ERBB4: variants seen among roughly 807,000 people sequenced by gnomAD.
The protein encoded by ERBB4 is erb-b2 receptor tyrosine kinase 4, also known as receptor tyrosine-protein kinase erbB-4.
A neutral mutation model predicts 158.0 loss-of-function variants in ERBB4; 42 were observed. The ratio of observed to expected loss-of-function variants is 0.27; its 90% CI spans 0.21 to 0.34. ERBB4 has a LOEUF of 0.34. Ranked by LOEUF, ERBB4 falls within the 10% of genes least tolerant of loss-of-function variation. ERBB4 has a pLI of 1.00. For missense variants in ERBB4, 1,333 were observed against 1,624.1 expected (o/e 0.82, Z 3.08); for synonymous variants, 583 against 558.7 (o/e 1.04, Z -0.61).
chr2:212,103,819 TG>T (rs1172979057), intron 2 of ERBB4, among the ~76,000 whole-genome samples: 1 of 152,110 alleles, frequency 6.6e-6, no homozygotes. Flanking sequence ...AGAAACATTC[TG>T]AATGTTAAGA....
intron 2 of ERBB4, among the ~76,000 whole-genome samples, chr2:212,087,703 C>G (rs555696894): frequency 6.6e-6 from 1 of 151,986 alleles, no homozygotes; most frequent in Admixed American, 6.6e-5. Context: ...GCATTAACTT[C>G]CCTCATCTAT....
intron 1 of ERBB4, among the ~76,000 whole-genome samples, chr2:212,485,281 C>G (rs1445977052): frequency 6.6e-6 from 1 of 152,136 alleles, no homozygotes; most frequent in East Asian, 1.9e-4. Flanking sequence ...ATTTCCAGTT[C>G]TTTACAAAGG....
intron 25 of ERBB4, among the ~76,000 whole-genome samples, chr2:211,404,195 T>TTATC (rs2063102225): frequency 1.3e-5 from 2 of 152,202 alleles, no homozygotes; most frequent in African/African-American, 4.8e-5. Flanking sequence ...AACTCTTGAT[T>TTATC]TATCTCTTTT....
At chr2:212,363,861 C>T (rs1045008257) in intron 1 of ERBB4, among the ~76,000 whole-genome samples, 27 of 151,504 alleles carry the variant, frequency 1.8e-4, no homozygotes, top group Non-Finnish European at 3.7e-4. Context: ...TATTATTGTC[C>T]ATGAATTCCA....
At chr2:212,229,511 G>T (rs945063047) in intron 1 of ERBB4, among the ~76,000 whole-genome samples, 5 of 152,158 alleles carry the variant, frequency 3.3e-5, no homozygotes, top group African/African-American at 7.2e-5. Flanking sequence ...GTACTAAAGG[G>T]CCAGTAAATC....
At chr2:211,877,515 G>A (rs1050236657) in intron 3 of ERBB4, among the ~76,000 whole-genome samples, 174 of 151,058 alleles carry the variant, frequency 1.2e-3, no homozygotes, top group African/African-American at 4.0e-3. Context: ...GCATACTTTC[G>A]GGGTTTTTCT....
At chr2:211,722,903 C>G (rs968407044) in intron 6 of ERBB4, among the ~76,000 whole-genome samples, 27 of 152,170 alleles carry the variant, frequency 1.8e-4, no homozygotes, top group Admixed American at 1.6e-3. Flanking sequence ...GGCTAGATGT[C>G]CACTTGAGCT....
intron 2 of ERBB4, among the ~76,000 whole-genome samples, chr2:211,973,884 T>A (rs943812290): frequency 1.3e-5 from 2 of 152,202 alleles, no homozygotes; most frequent in South Asian, 2.1e-4. Context: ...ATGTACACCA[T>A]GGAAACTATA....
At chr2:211,645,587 T>C (rs1259362946) in intron 16 of ERBB4, among the ~76,000 whole-genome samples, 1 of 151,680 alleles carries the variant, frequency 6.6e-6, no homozygotes, top group Non-Finnish European at 1.5e-5. Flanking sequence ...CTGTATAACA[T>C]GATTAATGGC....
intron 2 of ERBB4, among the ~76,000 whole-genome samples, chr2:212,116,604 C>T (rs917387069): frequency 6.6e-6 from 1 of 152,118 alleles, no homozygotes; most frequent in African/African-American, 2.4e-5. Flanking sequence ...TGTGCCGCCA[C>T]ACTGGTTAAA....
rs869111881 is a variant in ERBB4, at chr2:212,399,545, C to CATATATAT, written c.82+138896_82+138903dup. On this transcript the variant is annotated intron_variant, in intron 1 of 27. Transcript: ENST00000342788. ...TCCCCTGATATATATTTTATATATA[C>CATATATAT]ATATATATATATATATATATATATA... Among the ~76,000 whole-genome samples the CATATATAT allele has an allele frequency of 7.8e-3, 297 of 37,878 alleles. 2 individuals are homozygous for CATATATAT. Among genetic ancestry groups the CATATATAT allele is most frequent in the East Asian group, 0.014 (21 of 1,534 alleles). The allele number at this position is 37,878 out of a possible 152,430, so 24.8% of individuals were successfully genotyped here.
At chr2:211,894,267 T>C (rs1241096157) in intron 3 of ERBB4, among the ~76,000 whole-genome samples, 2 of 146,360 alleles carry the variant, frequency 1.4e-5, no homozygotes, top group African/African-American at 2.6e-5. Flanking sequence ...TGTAGGGACA[T>C]GGATGAAATT....
intron 1 of ERBB4, among the ~76,000 whole-genome samples, chr2:212,155,786 C>T (rs1355541935): frequency 6.6e-6 from 1 of 151,978 alleles, no homozygotes; most frequent in Admixed American, 6.6e-5. Flanking sequence ...CAGATATTTT[C>T]CTATATTACA....
chr2:211,960,627 G>A lies in ERBB4; in HGVS notation c.235-13011C>T, dbSNP rs1469030044. 2.6e-5 allele frequency: 4 copies of A among 152,232 alleles called. No homozygotes were observed. In the East Asian group the frequency reaches 7.7e-4, roughly 29 times the overall value. 9.4% of individuals were successfully genotyped at this position (152,232 alleles called of 1,614,324 possible). A position where few individuals can be genotyped will look rare whatever the true frequency, so the allele number is the denominator to read the frequency against. ...TGTTACTCACAATTTTGGAGGCTGG[G>A]AAGTCCAATATCAAGGTGTCAGCAA... On this transcript the variant is annotated intron_variant, in intron 2 of 27. Transcript: ENST00000342788.
chr2:212,334,701 CATGA>C (rs1401212297), intron 1 of ERBB4, among the ~76,000 whole-genome samples: 3 of 152,044 alleles, frequency 2.0e-5, no homozygotes, highest in East Asian at 3.9e-4. Context: ...AATAATGTTA[CATGA>C]ATGAATGAAC....
rs146304918 is a variant in ERBB4 at position 212,075,067 on chromosome 2, A to ATCTAT, written c.234+49680_234+49684dup. 5.4e-3 allele frequency among the ~76,000 whole-genome samples: 817 copies of ATCTAT among 152,058 alleles called. 6 individuals carry two copies. The highest frequency in any genetic ancestry group is 7.5e-3 in the Non-Finnish European group (512 of 67,910). On this transcript the variant is annotated intron_variant, in intron 2 of 27. Coordinates refer to ENST00000342788, the MANE Select transcript of ERBB4 (RefSeq NM_005235.3). ...TATAGGGCTCTTTTCATGATAACAC[A>ATCTAT]TCTATTCTCTTCTCAGCCATGATGA...
At chr2:211,950,002 T>C (rs2125145417) in intron 2 of ERBB4, among the ~76,000 whole-genome samples, 1 of 152,018 alleles carries the variant, frequency 6.6e-6, no homozygotes, top group East Asian at 1.9e-4. Flanking sequence ...ACCAGGAGAG[T>C]GGCAGTAAGA....
chr2:211,432,178 T>C (rs111936316), intron 20 of ERBB4, among the ~76,000 whole-genome samples: 2,459 of 152,348 alleles, frequency 0.016, 28 homozygotes, highest in Middle Eastern at 0.044. Context: ...CATACTCTCA[T>C]GCCAATTGCA....
chr2:211,644,550 C>T (rs927170487), intron 16 of ERBB4, among the ~76,000 whole-genome samples: 2 of 152,012 alleles, frequency 1.3e-5, no homozygotes, highest in African/African-American at 4.8e-5. Context: ...CATTTACATG[C>T]AAAATAAATC....
Sources: allele counts gnomAD v4.1 joint callset (sites outside exome capture counted in the v4.1 genomes callset), GRCh38; gene constraint gnomAD v4.1.1; transcripts MANE v1.5; gene names NCBI Gene and HGNC (gene_info 2026-07-23, HGNC 2026-07-21).